CDK12: variants seen among roughly 807,000 people sequenced by gnomAD.
CDK12 encodes the protein cyclin-dependent kinase 12.
A neutral mutation model predicts 133.8 loss-of-function variants in CDK12; 17 were observed. The observed-to-expected ratio is 0.13, with a 90% CI of 0.09 to 0.19. The LOEUF is 0.19. CDK12 is among the 10% of genes least tolerant of loss of function. CDK12 has a pLI of 1.00. For synonymous variants in CDK12, 694 were observed against 683.6 expected (o/e 1.02, Z -0.24); for missense variants, 1,508 against 1,818.7 (o/e 0.83, Z 3.11).
At chr17:39,508,865 C>T (rs1238734161) in intron 6 of CDK12, among the ~76,000 whole-genome samples, 1 of 151,864 alleles carries the variant, frequency 6.6e-6, no homozygotes, top group Non-Finnish European at 1.5e-5. Flanking sequence ...CATATTGGTG[C>T]ACACCTATAG....
intron 1 of CDK12, chr17:39,550,769 C>G (rs2055921346): frequency 6.6e-6 from 1 of 152,122 alleles, no homozygotes; most frequent in Admixed American, 6.5e-5. Flanking sequence ...TGGCTCACGC[C>G]TATAATCCCA....
intron 2 of CDK12, among the ~76,000 whole-genome samples, chr17:39,474,422 G>T (rs2050028564): frequency 6.6e-6 from 1 of 152,078 alleles, no homozygotes; most frequent in Non-Finnish European, 1.5e-5. Flanking sequence ...AGACTCAAGT[G>T]ATCCTCCCAC....
At chr17:39,474,772 T>C (rs1453413525) in intron 2 of CDK12, among the ~76,000 whole-genome samples, 1 of 147,828 alleles carries the variant, frequency 6.8e-6, no homozygotes, top group Non-Finnish European at 1.5e-5. Flanking sequence ...GAAAGAAATA[T>C]GATGTTTCCT....
chr17:39,557,573 G>T (rs921126521), intron 3 of CDK12, among the ~76,000 whole-genome samples: 1 of 152,178 alleles, frequency 6.6e-6, no homozygotes, highest in Non-Finnish European at 1.5e-5. Context: ...TCAGATTTTA[G>T]CAGAAAGGAT....
chr17:39,528,970 C>G (rs753962382), intron 13 of CDK12, among the ~76,000 whole-genome samples: 8 of 152,178 alleles, frequency 5.3e-5, no homozygotes, highest in Non-Finnish European at 1.0e-4. Context: ...AGTTTGCCCT[C>G]CTTTTTCAGC....
chr17:39,522,770 C>T lies in CDK12; in HGVS notation c.3096-1904C>T, dbSNP rs557445131. 1.9e-4 allele frequency among the ~76,000 whole-genome samples: 29 copies of T among 151,888 alleles called. No individual in the cohort carries two copies. The South Asian group carries it at 4.0e-3, about 21-fold the overall frequency. On this transcript the variant is annotated intron_variant, in intron 11 of 13. Coordinates refer to ENST00000447079, the MANE Select transcript of CDK12 (RefSeq NM_016507.4). ...TTTTGATGTAAGAAATAAGATCTTTCGGTCGAGCGCGGTCGCTCACACCTG... is the reference window on the plus strand; with the variant it reads ...TTTTGATGTAAGAAATAAGATCTTTTGGTCGAGCGCGGTCGCTCACACCTG...
chr17:39,468,722 G>A (rs1179056270), intron 1 of CDK12, among the ~76,000 whole-genome samples: 2 of 152,026 alleles, frequency 1.3e-5, no homozygotes, highest in East Asian at 3.9e-4. Flanking sequence ...TAATCCGCCT[G>A]CCTCAGCCTC....
At chr17:39,553,506 T>C (rs2056035623) in intron 2 of CDK12, among the ~76,000 whole-genome samples, 1 of 152,218 alleles carries the variant, frequency 6.6e-6, no homozygotes, top group Admixed American at 6.5e-5. Flanking sequence ...CCGACAGGGC[T>C]GTTTGCCCAA....
chr17:39,474,914 G>T (rs1277029038), intron 2 of CDK12, among the ~76,000 whole-genome samples: 1 of 150,290 alleles, frequency 6.7e-6, no homozygotes, highest in Admixed American at 6.7e-5. Context: ...GCTCACTGCA[G>T]CCTCTGCCTC....
intron 4 of CDK12, 149 bp downstream of exon 4, chr17:39,493,039 C>T: frequency 1.4e-6 from 1 of 691,796 alleles, no homozygotes; most frequent in Non-Finnish European, 2.3e-6. Flanking sequence ...GCTCCCCAGG[C>T]TGGAGTGCAG....
intron 13 of CDK12, among the ~76,000 whole-genome samples, chr17:39,526,975 A>G (rs3889369): frequency 3.3e-5 from 5 of 152,212 alleles, no homozygotes; most frequent in Non-Finnish European, 7.3e-5. Context: ...GGGATAAGTT[A>G]TACGTTAATC....
At chr17:39,522,669 G>A in intron 11 of CDK12, among the ~76,000 whole-genome samples, 1 of 152,046 alleles carries the variant, frequency 6.6e-6, no homozygotes, top group East Asian at 1.9e-4. Flanking sequence ...CCTGACCTCA[G>A]GTGATTCGCC....
chr17:39,560,958 G>A (rs1396725205), intron 3 of CDK12, among the ~76,000 whole-genome samples: 1 of 152,130 alleles, frequency 6.6e-6, no homozygotes, highest in East Asian at 1.9e-4. Flanking sequence ...AGGCTGCAGT[G>A]AGCCAAGATC....
At chr17:39,470,729 C>T (rs1371975416) in intron 1 of CDK12, 150 bp from the exon 2 acceptor site, 2 of 609,170 alleles carry the variant, frequency 3.3e-6, no homozygotes, top group Non-Finnish European at 5.4e-6. Context: ...CTTGATTGGG[C>T]TGGTTTCTCA....
chr17:39,489,354 G>T (rs550978431), intron 2 of CDK12, among the ~76,000 whole-genome samples: 1 of 151,954 alleles, frequency 6.6e-6, no homozygotes, highest in Non-Finnish European at 1.5e-5. Context: ...ACAGGCGTGA[G>T]CCACCGTGCC....
chr17:39,530,766 C>T lies in CDK12; in HGVS notation c.3923C>T (p.Pro1308Leu). 1 of 1,614,152 alleles carries T rather than the reference C, an allele frequency of 6.2e-7. No individual in the cohort carries two copies. The highest frequency in any genetic ancestry group is 8.5e-7 in the Non-Finnish European group (1 of 1,180,030). ...GCCTTGCTGCAACTTTTATCCCAGC[C>T]TGAAGCAGAGCCTCCTGGCCACCTG... Reference protein sequence around the residue: ...TAALLQLLSQPEAEPPGHLPH... With the variant: ...TAALLQLLSQLEAEPPGHLPH... Residue 1308 changes from proline to leucine, a missense_variant, in exon 14 of 14, where the codon CCT becomes CTT. Physicochemically the swap from Pro to Leu is moderately conservative, Grantham distance 98. This residue lies in a region of CDK12 where 399 missense variants were observed against 469.6 expected (regional missense o/e 0.85). Coordinates refer to ENST00000447079, the MANE Select transcript of CDK12 (RefSeq NM_016507.4).
At chr17:39,501,518 T>TA in intron 6 of CDK12, 79 bp downstream of exon 6, 1 of 954,842 alleles carries the variant, frequency 1.0e-6, no homozygotes, top group Non-Finnish European at 1.6e-6. Flanking sequence ...TAATTGGTAT[T>TA]ATAATTAGAC....
intron 2 of CDK12, among the ~76,000 whole-genome samples, chr17:39,487,899 G>A (rs1043279371): frequency 1.3e-4 from 20 of 151,988 alleles, no homozygotes; most frequent in Non-Finnish European, 1.8e-4. Flanking sequence ...ACGGGCATGA[G>A]CCACCACACC....
chr17:39,477,104 TCCA>T (rs978156716), intron 2 of CDK12, among the ~76,000 whole-genome samples: 82 of 151,720 alleles, frequency 5.4e-4, no homozygotes, highest in African/African-American at 1.9e-3. Context: ...CACCACAACC[TCCA>T]CCACCAGGGT....
Sources: gnomAD v4.1 joint callset for allele counts (sites outside exome capture counted in the v4.1 genomes callset) on GRCh38, gnomAD v4.1.1 for gene constraint, gnomAD v4.1.1 regional missense constraint, MANE v1.5 for transcripts, NCBI Gene and HGNC (gene_info 2026-07-23, HGNC 2026-07-21) for gene names.